HDAC9: variants seen among roughly 807,000 people sequenced by gnomAD.
HDAC9 encodes the protein histone deacetylase 9, also known as MEF-2 interacting transcription repressor (MITR) protein.
In HDAC9, 41 loss-of-function variants were observed where a neutral mutation model predicts 139.4. The observed-to-expected ratio is 0.29, with a 90% CI of 0.23 to 0.38. The LOEUF is 0.38. Among genes scored for constraint, HDAC9 ranks in the 10% least tolerant of loss-of-function variants. The probability of loss-of-function intolerance (pLI) is 1.00; values close to 1 mark genes in which losing one functional copy is unlikely to be tolerated. For synonymous variants in HDAC9, 517 were observed against 476.2 expected (o/e 1.09, Z -1.12); for missense variants, 1,147 against 1,297.0 (o/e 0.88, Z 1.78).
chr7:18,850,740 A>G (rs960607464), intron 21 of HDAC9, among the ~76,000 whole-genome samples: 1 of 152,298 alleles, frequency 6.6e-6, no homozygotes. Flanking sequence ...TGGCCCATAA[A>G]CAACAGAAAT....
intron 2 of HDAC9, among the ~76,000 whole-genome samples, chr7:18,512,582 G>C (rs1346420356): frequency 6.6e-6 from 1 of 152,104 alleles, no homozygotes; most frequent in Admixed American, 6.5e-5. Context: ...TTTTAAAACA[G>C]TTTTTTAAAA....
At chr7:18,151,569 A>G (rs932709997) in intron 1 of HDAC9, among the ~76,000 whole-genome samples, 27 of 152,138 alleles carry the variant, frequency 1.8e-4, no homozygotes, top group Middle Eastern at 3.2e-3. Context: ...CTTCGAAGAG[A>G]TGATAGAAAA....
intron 24 of HDAC9, among the ~76,000 whole-genome samples, chr7:18,974,896 C>G (rs1003635108): frequency 6.6e-6 from 1 of 152,180 alleles, no homozygotes; most frequent in African/African-American, 2.4e-5. Flanking sequence ...GCCTTTTCCA[C>G]TCAAACAAGG....
intron 2 of HDAC9, among the ~76,000 whole-genome samples, chr7:18,176,188 A>G (rs899988802): frequency 1.3e-5 from 2 of 152,228 alleles, no homozygotes; most frequent in African/African-American, 2.4e-5. Flanking sequence ...CATGTTTAAT[A>G]AAAGCTGGTG....
chr7:18,470,335 A>G (rs1412928192), intron 1 of HDAC9, among the ~76,000 whole-genome samples: 2 of 151,978 alleles, frequency 1.3e-5, no homozygotes, highest in African/African-American at 2.4e-5. Flanking sequence ...AAGAAGCCAA[A>G]CCAAAAAGCC....
chr7:18,567,812 G>T (rs1822881782), intron 2 of HDAC9, among the ~76,000 whole-genome samples: 1 of 151,802 alleles, frequency 6.6e-6, no homozygotes, highest in African/African-American at 2.4e-5. Context: ...TATTATTGCA[G>T]CTTTGAGGTG....
chr7:18,947,818 G>A (rs1044623352), intron 23 of HDAC9, among the ~76,000 whole-genome samples: 1 of 151,912 alleles, frequency 6.6e-6, no homozygotes, highest in Non-Finnish European at 1.5e-5. Flanking sequence ...AATATTATAA[G>A]AGAATATTTC....
At chr7:18,817,285 C>T (rs113781157) in intron 17 of HDAC9, among the ~76,000 whole-genome samples, 4,766 of 152,182 alleles carry the variant, frequency 0.031, 257 homozygotes, top group African/African-American at 0.11. Flanking sequence ...CCGCCCACCT[C>T]GGCCTCCCAA....
intron 2 of HDAC9, among the ~76,000 whole-genome samples, chr7:18,580,564 A>C (rs552708851): frequency 6.6e-6 from 1 of 152,204 alleles, no homozygotes; most frequent in Admixed American, 6.5e-5. Context: ...TACATGTGTC[A>C]CAAGGTCTTG....
chr7:18,431,348 A>G (rs546669903), intron 1 of HDAC9, among the ~76,000 whole-genome samples: 18 of 152,158 alleles, frequency 1.2e-4, no homozygotes, highest in Non-Finnish European at 2.1e-4. Flanking sequence ...CCTCTCAGAT[A>G]CTTTCAAGGG....
chr7:18,732,905 G>A lies in HDAC9; in HGVS notation c.1909+5148G>A, dbSNP rs1332168765. ...TGTGCGTATGTGTACACACACACGT[G>A]TGCGTATGTGTATACACACGTGTGT... On this transcript the variant is annotated intron_variant, in intron 13 of 25. Transcript: ENST00000686413. Among the ~76,000 whole-genome samples, 16 of 91,592 alleles carry A rather than the reference G, an allele frequency of 1.7e-4. 4 individuals are homozygous for A. The highest frequency in any genetic ancestry group is 2.6e-4 in the Non-Finnish European group (11 of 41,764). 60.1% of individuals were successfully genotyped at this position (91,592 alleles called of 152,430 possible).
At chr7:18,468,622 G>T (rs1050333208) in intron 1 of HDAC9, among the ~76,000 whole-genome samples, 1 of 152,032 alleles carries the variant, frequency 6.6e-6, no homozygotes, top group Non-Finnish European at 1.5e-5. Context: ...TTTTTTAAAT[G>T]TCTCTTTTCC....
chr7:18,497,303 T>C (rs1797200972), intron 2 of HDAC9, among the ~76,000 whole-genome samples: 5 of 152,126 alleles, frequency 3.3e-5, no homozygotes, highest in Admixed American at 3.3e-4. Context: ...CGCCTAGATT[T>C]CCATGATAAG....
At chr7:18,170,974 T>A (rs901286699) in intron 2 of HDAC9, among the ~76,000 whole-genome samples, 4 of 152,216 alleles carry the variant, frequency 2.6e-5, no homozygotes, top group African/African-American at 9.6e-5. Context: ...TTCTTCCAAT[T>A]CTGTGAAGAA....
chr7:18,788,661 G>A (rs7455344), intron 16 of HDAC9, among the ~76,000 whole-genome samples: 5,241 of 151,510 alleles, frequency 0.035, 177 homozygotes, highest in African/African-American at 0.091. Flanking sequence ...AGGCTGAGGC[G>A]GAAGAATGGC....
At chr7:18,386,367 C>T (rs1052314899) in intron 1 of HDAC9, among the ~76,000 whole-genome samples, 5 of 152,170 alleles carry the variant, frequency 3.3e-5, no homozygotes, top group Admixed American at 2.0e-4. Context: ...TTTCTATCAA[C>T]TCCAGTTTTA....
At chr7:18,364,230 C>T (rs763085713) in intron 1 of HDAC9, among the ~76,000 whole-genome samples, 2 of 152,080 alleles carry the variant, frequency 1.3e-5, no homozygotes, top group Non-Finnish European at 2.9e-5. Context: ...GGGGCTGAAT[C>T]CCTGTTCTAA....
chr7:18,966,257 G>A lies in HDAC9; in HGVS notation c.3023-9549G>A, dbSNP rs112676693. On this transcript the variant is annotated intron_variant, in intron 24 of 25. Transcript: ENST00000686413. The stretch of plus-strand genomic sequence containing the variant: ...CTAGCGCTTCCCTTTTAAGAAAAGC[G>A]TGTAGGGTCCTCACGAATACCAGTT... 4.4e-4 allele frequency among the ~76,000 whole-genome samples: 67 copies of A among 152,258 alleles called. 1 individual carries two copies. In the South Asian group the frequency reaches 7.7e-3, roughly 17 times the overall value.
intron 1 of HDAC9, among the ~76,000 whole-genome samples, chr7:18,362,198 G>A (rs1223012428): frequency 1.3e-5 from 2 of 152,130 alleles, no homozygotes; most frequent in South Asian, 2.1e-4. Context: ...TAGACTTTCC[G>A]CATTTATTCC....
Sources: gnomAD v4.1 joint callset for allele counts (sites outside exome capture counted in the v4.1 genomes callset) on GRCh38, gnomAD v4.1.1 for gene constraint, MANE v1.5 for transcripts, NCBI Gene and HGNC (gene_info 2026-07-23, HGNC 2026-07-21) for gene names.